The following RYR3 variants were observed in gnomAD, a reference collection of about 807,000 sequenced individuals.
RYR3 encodes brain ryanodine receptor-calcium release channel.
A neutral mutation model predicts 584.3 loss-of-function variants in RYR3; 207 were observed. The ratio of observed to expected loss-of-function variants is 0.35; its 90% CI spans 0.32 to 0.40. The LOEUF (loss-of-function observed/expected upper bound fraction) is 0.40, where lower values mean the gene tolerates loss of function less well. RYR3 is among the 10% of genes least tolerant of loss of function. RYR3 has a pLI of 1.00. For missense variants in RYR3, 5,616 were observed against 6,089.2 expected (o/e 0.92, Z 2.59); for synonymous variants, 2,416 against 2,248.5 (o/e 1.07, Z -2.11).
chr15:33,517,655 A>T (rs1472440598), intron 3 of RYR3, among the ~76,000 whole-genome samples: 10 of 152,210 alleles, frequency 6.6e-5, no homozygotes, highest in African/African-American at 2.2e-4. Flanking sequence ...TCTTGCAGCA[A>T]CAAAGTGACC....
At chr15:33,387,417 A>T (rs575409503) in intron 1 of RYR3, among the ~76,000 whole-genome samples, 1 of 152,312 alleles carries the variant, frequency 6.6e-6, no homozygotes, top group African/African-American at 2.4e-5. Context: ...ACACTCTTCC[A>T]TAGCAGCAGC....
chr15:33,478,236 G>T (rs2049606234), intron 2 of RYR3, among the ~76,000 whole-genome samples: 1 of 152,112 alleles, frequency 6.6e-6, no homozygotes, highest in Non-Finnish European at 1.5e-5. Context: ...GTCAAGTACT[G>T]CATTTCGGCA....
intron 19 of RYR3, among the ~76,000 whole-genome samples, chr15:33,619,914 C>G (rs1028186905): frequency 2.0e-5 from 3 of 152,096 alleles, no homozygotes; most frequent in Admixed American, 1.3e-4. Context: ...TTCTGGGACC[C>G]TTTTGTAGTT....
Position 33,848,430 on chromosome 15 carries a change from C to G in RYR3, c.13628+9C>G. On this transcript the variant is annotated intron_variant, in intron 94 of 103. Coordinates refer to ENST00000634891, the MANE Select transcript of RYR3 (RefSeq NM_001036.6). ...TTGGTGATCAACACACCGTGAGTGT[C>G]CCTCTACCCCAACCTAAAAAGGAGA... is the stretch of plus-strand genomic sequence containing the variant. 6.2e-7 allele frequency: 1 copy of G among 1,604,232 alleles called. No homozygotes were observed. Among genetic ancestry groups the G allele is most frequent in the Non-Finnish European group, 8.5e-7 (1 of 1,177,052 alleles).
rs71117160 is a variant in RYR3 at position 33,669,880 on chromosome 15, GGTGTGT to G, written c.5722+443_5722+448del. 9.8e-4 allele frequency among the ~76,000 whole-genome samples: 101 copies of G among 103,494 alleles called. 1 individual carries two copies. Among genetic ancestry groups the G allele is most frequent in the Non-Finnish European group, 1.5e-3 (81 of 52,982 alleles). 67.9% of individuals were successfully genotyped at this position (103,494 alleles called of 152,430 possible). A position where few individuals can be genotyped will look rare whatever the true frequency, so the allele number is the denominator to read the frequency against. ...GGGGTGTGGGTGTGTGGGTGTGTGT[GGTGTGT>G]GTGTGTGTGTGTGTGTGTTTAGTAA... On this transcript the variant is annotated intron_variant, in intron 37 of 103. Coordinates refer to ENST00000634891, the MANE Select transcript of RYR3 (RefSeq NM_001036.6).
At chr15:33,498,179 A>T (rs2051613693) in intron 2 of RYR3, among the ~76,000 whole-genome samples, 1 of 152,162 alleles carries the variant, frequency 6.6e-6, no homozygotes, top group African/African-American at 2.4e-5. Flanking sequence ...GAGTGCAGAT[A>T]TCTCTTCAAT....
intron 38 of RYR3, among the ~76,000 whole-genome samples, chr15:33,679,299 C>G (rs1241431325): frequency 6.6e-6 from 1 of 152,128 alleles, no homozygotes; most frequent in Non-Finnish European, 1.5e-5. Flanking sequence ...CTCATCTCCT[C>G]GCTGTAAATG....
At chr15:33,820,648 G>A in intron 77 of RYR3, 108 bp from the exon 78 acceptor site, 1 of 924,504 alleles carries the variant, frequency 1.1e-6, no homozygotes, top group East Asian at 2.7e-5. Flanking sequence ...GAGGTCCTGA[G>A]GTGCCTGTGA....
intron 66 of RYR3, among the ~76,000 whole-genome samples, chr15:33,787,357 A>G (rs11072659): frequency 0.59 from 89,991 of 152,034 alleles, 27,864 homozygotes; most frequent in East Asian, 0.96. Context: ...CTGTTTTATA[A>G]AAGTAAAATA....
chr15:33,467,264 G>T (rs550263558), intron 1 of RYR3, among the ~76,000 whole-genome samples: 6 of 152,220 alleles, frequency 3.9e-5, no homozygotes, highest in Non-Finnish European at 8.8e-5. Context: ...ACGTGCTCCT[G>T]GTCATGAGCT....
At position 33,588,917 on chromosome 15, in the gene RYR3, T is replaced by C. The variant is rs117860357; in HGVS notation, c.1788+2801T>C. On this transcript the variant is annotated intron_variant, in intron 16 of 103. Transcript: ENST00000634891. Reference sequence around the variant, plus strand: ...ATTGTGAATAGGGCTGTGATAAACATACAAATGCAGATATCTTTTTGATAT... The same window carrying C: ...ATTGTGAATAGGGCTGTGATAAACACACAAATGCAGATATCTTTTTGATAT... 7.8e-4 allele frequency among the ~76,000 whole-genome samples: 119 copies of C among 152,322 alleles called. No individual in the cohort carries two copies. In the East Asian group the frequency reaches 0.017, roughly 21 times the overall value.
At chr15:33,634,173 T>C (rs2061396481) in intron 24 of RYR3, among the ~76,000 whole-genome samples, 2 of 152,118 alleles carry the variant, frequency 1.3e-5, no homozygotes, top group African/African-American at 4.8e-5. Flanking sequence ...TGCCTCAGCC[T>C]CCCGAGTAGC....
At position 33,390,827 on chromosome 15, in the gene RYR3, T is replaced by C. The variant is rs564236445; in HGVS notation, c.51+79731T>C. Among the ~76,000 whole-genome samples the C allele has an allele frequency of 6.6e-6, 1 of 152,272 alleles. No individual in the cohort carries two copies. The highest frequency in any genetic ancestry group is 1.9e-4 in the East Asian group (1 of 5,180). On this transcript the variant is annotated intron_variant, in intron 1 of 103. Coordinates refer to ENST00000634891, the MANE Select transcript of RYR3 (RefSeq NM_001036.6). The surrounding 1 kb of genome is among the most constrained non-coding windows in gnomAD (Gnocchi z 4.2). ...AAAACCCTGGATGCTGACTCCATAA[T>C]GGGATCCCCAGGCAGAGACATTGCA...
chr15:33,837,545 G>T, intron 88 of RYR3, 86 bp from the exon 89 acceptor site: 1 of 1,425,546 alleles, frequency 7.0e-7, no homozygotes, highest in Non-Finnish European at 9.3e-7. Context: ...TGGCACAAAA[G>T]TCTTCTAAAA....
chr15:33,450,320 ACT>A (rs1485695489), intron 1 of RYR3, among the ~76,000 whole-genome samples: 2 of 151,986 alleles, frequency 1.3e-5, no homozygotes, highest in South Asian at 2.1e-4. Flanking sequence ...GGAAAACAAG[ACT>A]CTGATTGTGA....
chr15:33,493,868 A>G (rs1432305784), intron 2 of RYR3, among the ~76,000 whole-genome samples: 3 of 152,178 alleles, frequency 2.0e-5, no homozygotes, highest in Non-Finnish European at 4.4e-5. Context: ...GAGTCTCTTG[A>G]GCCTAGGAAT....
intron 1 of RYR3, among the ~76,000 whole-genome samples, chr15:33,459,392 A>G (rs2047832069): frequency 1.3e-5 from 2 of 152,284 alleles, no homozygotes; most frequent in East Asian, 1.9e-4. Flanking sequence ...CTTAATTCTC[A>G]AAGTCTCTTG....
chr15:33,548,019 A>G (rs1442359593), intron 8 of RYR3, 111 bp from the exon 9 acceptor site: 3 of 723,834 alleles, frequency 4.1e-6, no homozygotes, highest in Admixed American at 5.1e-5. Flanking sequence ...GCTGACTCCA[A>G]AAGGGCTTAG....
intron 87 of RYR3, among the ~76,000 whole-genome samples, chr15:33,835,455 TTC>T (rs926740227): frequency 7.9e-5 from 12 of 152,166 alleles, no homozygotes; most frequent in African/African-American, 2.7e-4. Context: ...CACATCCCTC[TTC>T]TCTCTCACTC....
Sources: allele counts gnomAD v4.1 joint callset (sites outside exome capture counted in the v4.1 genomes callset), GRCh38; gene constraint gnomAD v4.1.1; non-coding constraint Gnocchi (gnomAD v3.1); transcripts MANE v1.5; gene names NCBI Gene and HGNC (gene_info 2026-07-23, HGNC 2026-07-21).